Variants in IZUMO1R observed in about 807,000 individuals in gnomAD.
IZUMO1R encodes IZUMO1 receptor, JUNO.
A neutral mutation model predicts 22.1 loss-of-function variants in IZUMO1R; 24 were observed. The observed-to-expected ratio is 1.09, with a 90% CI of 0.79 to 1.53. The LOEUF (loss-of-function observed/expected upper bound fraction) is 1.53. Ranked by LOEUF, IZUMO1R falls within the 40% of genes most tolerant of loss-of-function variation. IZUMO1R has a pLI of 0.00. For synonymous variants in IZUMO1R, 133 were observed against 121.2 expected (o/e 1.10, Z -0.64); for missense variants, 308 against 314.9 (o/e 0.98, Z 0.17).
Position 94,307,456 on chromosome 11 carries a change from C to T in IZUMO1R, c.517C>T (p.Leu173Phe). The T allele has an allele frequency of 1.2e-6, 2 of 1,613,952 alleles. No homozygotes were observed. The highest frequency in any genetic ancestry group is 1.7e-6 in the Non-Finnish European group (2 of 1,179,900). The change falls in exon 5 of 5, where the codon CTC becomes TTC. Residue 173 changes from leucine (L) to phenylalanine (F), a missense_variant. Leu to Phe is a conservative substitution (Grantham distance 22, BLOSUM62 0). Coordinates refer to ENST00000687084, the MANE Select transcript of IZUMO1R (RefSeq NM_001199206.4). The part of the protein sequence containing the change: ...KNRCPKGAQC[L>F]PFSHYFPTPA... ...CCGCTGCCCCAAAGGGGCCCAGTGC[C>T]TCCCTTTCTCCCATTACTTCCCCAC...
chr11:94,304,828 T>C lies in IZUMO1R; in HGVS notation c.-58T>C, dbSNP rs961254351. The stretch of plus-strand genomic sequence containing the variant: ...GGACATGGAACTCCCCTCAGCCTCA[T>C]AGTCTCAGGGGGAGGAGGGAGCAGG... On this transcript the variant is annotated 5_prime_UTR_variant, in exon 1 of 5. It removes the in-frame stop codon of an upstream open reading frame in the 5' UTR. Transcript: ENST00000687084. Among the ~76,000 whole-genome samples the C allele has an allele frequency of 6.6e-6, 1 of 152,252 alleles. No homozygotes were observed.
intron 3 of IZUMO1R, 79 bp from the exon 4 acceptor site, chr11:94,307,086 T>A (rs920469885): frequency 3.6e-5 from 54 of 1,484,530 alleles, no homozygotes; most frequent in Non-Finnish European, 4.8e-5. Flanking sequence ...TGGTACCTGG[T>A]ACAAATACCA....
chr11:94,307,130 T>TGTTC, intron 3 of IZUMO1R, 35 bp from the exon 4 acceptor site: 1 of 1,569,620 alleles, frequency 6.4e-7, no homozygotes, highest in South Asian at 1.2e-5. Flanking sequence ...ATCTCTGCTA[T>TGTTC]TAATGTTCTA....
rs372854778 is a variant in IZUMO1R, at chr11:94,307,448, C to T, written c.509C>T (p.Ala170Val). 25 of 1,613,816 alleles carry T rather than the reference C, an allele frequency of 1.5e-5. No homozygotes were observed. Among genetic ancestry groups the T allele is most frequent in the South Asian group, 7.7e-5 (7 of 91,088 alleles). The change falls in exon 5 of 5, where the codon GCC becomes GTC. Residue 170 changes from alanine to valine, a missense_variant. Transcript: ENST00000687084. ...SQGKNRCPKG[A>V]QCLPFSHYFP... is the part of the protein sequence containing the mutation. The stretch of plus-strand genomic sequence containing the variant: ...GGGAAGAACCGCTGCCCCAAAGGGG[C>T]CCAGTGCCTCCCTTTCTCCCATTAC...
chr11:94,308,045 C>T lies in IZUMO1R; in HGVS notation c.*353C>T, dbSNP rs545381032. On this transcript the variant is annotated 3_prime_UTR_variant, in exon 5 of 5. Coordinates refer to ENST00000687084, the MANE Select transcript of IZUMO1R (RefSeq NM_001199206.4). ...GCTTTCAAGGGGCTCAAGGACTTTC[C>T]CATCCAGTGCACGCCTACCCCTTTC... Among the ~76,000 whole-genome samples the T allele has an allele frequency of 2.1e-4, 32 of 152,048 alleles. No homozygotes were observed. The highest frequency in any genetic ancestry group is 1.7e-3 in the Admixed American group (26 of 15,290).
intron 1 of IZUMO1R, among the ~76,000 whole-genome samples, chr11:94,305,257 C>G (rs1217332952): frequency 6.6e-6 from 1 of 152,184 alleles, no homozygotes; most frequent in Non-Finnish European, 1.5e-5. Context: ...TGTTTTGTCT[C>G]TCTTTCCACT....
In IZUMO1R at chr11:94,306,878, T is replaced by C. The variant is rs71477689; in HGVS notation, c.348+156T>C. 2.6e-3 allele frequency among the ~76,000 whole-genome samples: 401 copies of C among 152,102 alleles called. 1 individual carries two copies. The highest frequency in any genetic ancestry group is 4.5e-3 in the Non-Finnish European group (304 of 67,980). ...CAGAGGCCCCTGCTGGAGAATCACA[T>C]GGGGGAGACTGTTCTGACAACAGTG... On this transcript the variant is annotated intron_variant, in intron 3 of 4. Transcript: ENST00000687084.
At position 94,304,830 on chromosome 11, in the gene IZUMO1R, G is replaced by A. The variant is rs972522977; in HGVS notation, c.-56G>A. ...ACATGGAACTCCCCTCAGCCTCATA[G>A]TCTCAGGGGGAGGAGGGAGCAGGAG... On this transcript the variant is annotated 5_prime_UTR_variant, in exon 1 of 5. It removes the in-frame stop codon of an upstream open reading frame in the 5' UTR. Transcript: ENST00000687084. 6.6e-6 allele frequency among the ~76,000 whole-genome samples: 1 copy of A among 152,174 alleles called. No homozygotes were observed. The highest frequency in any genetic ancestry group is 6.5e-5 in the Admixed American group (1 of 15,282).
rs1262418943 is a variant in IZUMO1R at position 94,307,802 on chromosome 11, T to G, written c.*110T>G. 6.2e-6 allele frequency: 6 copies of G among 964,574 alleles called. No homozygotes were observed. The highest frequency in any genetic ancestry group is 1.5e-5 in the South Asian group (1 of 66,522). 59.8% of individuals were successfully genotyped at this position (964,574 alleles called of 1,614,324 possible). A position where few individuals can be genotyped will look rare whatever the true frequency, so the allele number is the denominator to read the frequency against. On this transcript the variant is annotated 3_prime_UTR_variant, in exon 5 of 5. Coordinates refer to ENST00000687084, the MANE Select transcript of IZUMO1R (RefSeq NM_001199206.4). ...CTCCCCTAAAAGCAGTGGCATGGGCTAGGGACTGCAGTCCCACCCAGTCTA... is the reference window on the plus strand; with the variant it reads ...CTCCCCTAAAAGCAGTGGCATGGGCGAGGGACTGCAGTCCCACCCAGTCTA...
intron 2 of IZUMO1R, 137 bp downstream of exon 2, chr11:94,305,911 A>C (rs1450510962): frequency 8.5e-6 from 8 of 943,166 alleles, no homozygotes; most frequent in Admixed American, 2.7e-5. Flanking sequence ...CTAGATGGAA[A>C]GAGACTATGC....
rs751972514 is a variant in IZUMO1R, at chr11:94,307,511, G to C, written c.572G>C (p.Ser191Thr). 1.2e-6 allele frequency: 2 copies of C among 1,613,706 alleles called. No individual in the cohort carries two copies. The highest frequency in any genetic ancestry group is 1.7e-6 in the Non-Finnish European group (2 of 1,179,888). ...GCTGACCTGTGTGAGAAGACTTGGAGCAATTCCTTCAAAGCCAGCCCTGAG... is the reference window on the plus strand; with the variant it reads ...GCTGACCTGTGTGAGAAGACTTGGACCAATTCCTTCAAAGCCAGCCCTGAG... ...TPADLCEKTWSNSFKASPERR... is the reference protein window; with the variant it reads ...TPADLCEKTWTNSFKASPERR... Residue 191 changes from serine (S) to threonine (T), a missense_variant, in exon 5 of 5, where the codon AGC (serine) becomes ACC (threonine). Physicochemically the swap from Ser to Thr is moderately conservative, Grantham distance 58. Transcript: ENST00000687084.
chr11:94,306,371 T>A (rs1251506031), intron 2 of IZUMO1R, 142 bp from the exon 3 acceptor site: 1 of 741,962 alleles, frequency 1.3e-6, no homozygotes, highest in Non-Finnish European at 2.3e-6. Context: ...GGGTTCCTCT[T>A]ATGTAGGGGC....
At chr11:94,305,854 C>A (rs1261655727) in intron 2 of IZUMO1R, 80 bp downstream of exon 2, 15 of 1,484,786 alleles carry the variant, frequency 1.0e-5, no homozygotes, top group Non-Finnish European at 1.3e-5. Flanking sequence ...CGAACCTCAT[C>A]AACCCTGATC....
At chr11:94,307,375 T>A in intron 4 of IZUMO1R, 49 bp from the exon 5 acceptor site, 4 of 1,612,254 alleles carry the variant, frequency 2.5e-6, no homozygotes, top group Non-Finnish European at 3.4e-6. Context: ...GTGCAAAGGC[T>A]AGCAATGAGG....
chr11:94,307,953 G>A lies in IZUMO1R; in HGVS notation c.*261G>A, dbSNP rs1470903900. Among the ~76,000 whole-genome samples, 3 of 151,968 alleles carry A rather than the reference G, an allele frequency of 2.0e-5. No homozygotes were observed. Among genetic ancestry groups the A allele is most frequent in the Non-Finnish European group, 2.9e-5 (2 of 67,984 alleles). On this transcript the variant is annotated 3_prime_UTR_variant, in exon 5 of 5. Coordinates refer to ENST00000687084, the MANE Select transcript of IZUMO1R (RefSeq NM_001199206.4). ...CCACTGCTCTGCTCTATCTTAGCTG[G>A]CCTAGGAGGCAGCTGGGGGCTGGAA...
At position 94,305,766 on chromosome 11, in the gene IZUMO1R, T is replaced by A; in HGVS notation, c.130T>A (p.Tyr44Asn). The change falls in exon 2 of 5, where the codon TAT becomes AAT. Residue 44 changes from tyrosine to asparagine, a missense_variant. Tyr to Asn is a moderately radical substitution (Grantham distance 143). Transcript: ENST00000687084. ...KRVPSPEDKL[Y>N]EECIPWKDNA... is the part of the protein sequence containing the mutation. ...AGTGCCCAGCCCAGAAGACAAGCTC[T>A]ATGAGGAGGTACAGAGGCCAGACCT... 2 of 1,612,638 alleles carry A rather than the reference T, an allele frequency of 1.2e-6. No individual in the cohort carries two copies. The highest frequency in any genetic ancestry group is 1.1e-5 in the South Asian group (1 of 90,926).
In IZUMO1R at chr11:94,305,452, T is replaced by C. The variant is rs1228828198; in HGVS notation, c.-6-179T>C. Reference sequence around the variant, plus strand: ...CACTGTGTCAGGCCTCCAAGGATTATTCTACCTGCCCTGACATTCTGTGAT... The same window carrying C: ...CACTGTGTCAGGCCTCCAAGGATTACTCTACCTGCCCTGACATTCTGTGAT... On this transcript the variant is annotated intron_variant, in intron 1 of 4. Transcript: ENST00000687084. 3 of 700,062 alleles carry C rather than the reference T, an allele frequency of 4.3e-6. No homozygotes were observed. The African/African-American group carries it at 5.4e-5, about 13-fold the overall frequency. The allele number at this position is 700,062 out of a possible 1,614,324, so 43.4% of individuals were successfully genotyped here. A position where few individuals can be genotyped will look rare whatever the true frequency, so the allele number is the denominator to read the frequency against.
At chr11:94,306,757 TA>T in intron 3 of IZUMO1R, 35 bp downstream of exon 3, 1 of 1,595,152 alleles carries the variant, frequency 6.3e-7, no homozygotes, top group Non-Finnish European at 8.6e-7. Flanking sequence ...CCTGTTATTA[TA>T]TTAACAGCCA....
Position 94,306,609 on chromosome 11 carries a change from T to G in IZUMO1R, c.235T>G (p.Cys79Gly), listed in dbSNP as rs771529045. The change falls in exon 3 of 5, where the codon TGT becomes GGT. Residue 79 changes from cysteine to glycine, a missense_variant. Transcript: ENST00000687084. ...ACTCTACAACTTCAGCCTGTTTCAC[T>G]GTGGACTGCTGATGCCTGGCTGTCG... ...SPLYNFSLFH[C>G]GLLMPGCRKH... is the part of the protein sequence containing the mutation. 1 of 1,613,986 alleles carries G rather than the reference T, an allele frequency of 6.2e-7. No homozygotes were observed. The highest frequency in any genetic ancestry group is 8.5e-7 in the Non-Finnish European group (1 of 1,179,872).
Sources: allele counts gnomAD v4.1 joint callset (sites outside exome capture counted in the v4.1 genomes callset), GRCh38; gene constraint gnomAD v4.1.1; transcripts MANE v1.5; gene names NCBI Gene and HGNC (gene_info 2026-07-23, HGNC 2026-07-21).